PPARGC1A: variants seen among roughly 807,000 people sequenced by gnomAD.
PPARGC1A encodes PPARG coactivator 1 alpha, also known as peroxisome proliferator-activated receptor gamma coactivator 1-alpha.
Under a neutral mutation model 88.7 loss-of-function variants are expected in PPARGC1A, and 25 were observed. The observed-to-expected ratio is 0.28, with a 90% CI of 0.21 to 0.39. PPARGC1A has a LOEUF of 0.39. PPARGC1A is among the 10% of genes least tolerant of loss of function. The pLI, the probability that PPARGC1A is intolerant of heterozygous loss-of-function variation, is 1.00. For missense variants in PPARGC1A, 880 were observed against 968.7 expected (o/e 0.91, Z 1.22); for synonymous variants, 363 against 355.6 (o/e 1.02, Z -0.24).
chr4:24,171,050 C>T, the PPARGC1A span, among the ~76,000 whole-genome samples: 1 of 152,082 alleles, frequency 6.6e-6, no homozygotes, highest in African/African-American at 2.4e-5. Context: ...ACATAGCTTT[C>T]TCCCTCACAA....
the PPARGC1A span, among the ~76,000 whole-genome samples, chr4:24,324,207 A>G: frequency 6.6e-6 from 1 of 151,812 alleles, no homozygotes; most frequent in Non-Finnish European, 1.5e-5. Flanking sequence ...CAAGTACCCC[A>G]ACCCCTTCTC....
chr4:24,020,900 A>C, the PPARGC1A span, among the ~76,000 whole-genome samples: 1 of 152,196 alleles, frequency 6.6e-6, no homozygotes, highest in Non-Finnish European at 1.5e-5. Context: ...CTACAAGAAC[A>C]CCGAGGGTGC....
the PPARGC1A span, among the ~76,000 whole-genome samples, chr4:24,208,682 A>AAAAAATATATAT: frequency 7.4e-6 from 1 of 135,000 alleles, no homozygotes; most frequent in African/African-American, 2.7e-5. Context: ...TCAGAAAAAA[A>AAAAAATATATAT]ATATATATAT....
At chr4:24,076,366 G>A in the PPARGC1A span, among the ~76,000 whole-genome samples, 1 of 152,050 alleles carries the variant, frequency 6.6e-6, no homozygotes, top group African/African-American at 2.4e-5. Flanking sequence ...CAGCCCACTC[G>A]AATCACAATT....
the PPARGC1A span, among the ~76,000 whole-genome samples, chr4:24,418,135 C>T: frequency 6.6e-6 from 1 of 152,214 alleles, no homozygotes; most frequent in East Asian, 1.9e-4. Flanking sequence ...AAAACCTGAA[C>T]TCAACAAGTG....
chr4:24,241,023 C>G, the PPARGC1A span, among the ~76,000 whole-genome samples: 1 of 152,200 alleles, frequency 6.6e-6, no homozygotes, highest in Non-Finnish European at 1.5e-5. Flanking sequence ...AGAAAGCAAA[C>G]TAACCCACCT....
chr4:23,859,648 G>C (rs926153007), intron 2 of PPARGC1A, among the ~76,000 whole-genome samples: 1 of 151,848 alleles, frequency 6.6e-6, no homozygotes, highest in Admixed American at 6.6e-5. Flanking sequence ...CAGCGTGGTG[G>C]CGGGCGCCTG....
At chr4:24,295,723 T>C in the PPARGC1A span, among the ~76,000 whole-genome samples, 1 of 149,808 alleles carries the variant, frequency 6.7e-6, no homozygotes, top group Non-Finnish European at 1.5e-5. Flanking sequence ...ATATACGTAT[T>C]ATATGCTACA....
At chr4:23,821,220 A>T (rs1722963299) in intron 7 of PPARGC1A, among the ~76,000 whole-genome samples, 5 of 152,136 alleles carry the variant, frequency 3.3e-5, no homozygotes, top group Admixed American at 2.6e-4. Flanking sequence ...CTTCAGGCAG[A>T]CCTGCTTTGA....
At chr4:24,174,131 C>T in the PPARGC1A span, among the ~76,000 whole-genome samples, 2,054 of 152,300 alleles carry the variant, frequency 0.013, 56 homozygotes, top group African/African-American at 0.046. Context: ...CAACATGTAA[C>T]TCTCCATGAT....
At chr4:24,121,831 T>C in the PPARGC1A span, among the ~76,000 whole-genome samples, 2 of 152,214 alleles carry the variant, frequency 1.3e-5, no homozygotes, top group Non-Finnish European at 1.5e-5. Flanking sequence ...GTTAATTTTA[T>C]CTGCGGCAGT....
chr4:24,339,561 G>T, the PPARGC1A span, among the ~76,000 whole-genome samples: 1 of 151,962 alleles, frequency 6.6e-6, no homozygotes, highest in African/African-American at 2.4e-5. Flanking sequence ...CTCAATTAAT[G>T]CCCGTTCCAC....
At chr4:24,026,455 T>C in the PPARGC1A span, among the ~76,000 whole-genome samples, 2 of 152,180 alleles carry the variant, frequency 1.3e-5, no homozygotes, top group African/African-American at 4.8e-5. Flanking sequence ...TCCTTTTCTA[T>C]AGAATAAAGA....
intron 2 of PPARGC1A, among the ~76,000 whole-genome samples, chr4:23,847,580 G>A (rs1321330666): frequency 6.6e-6 from 1 of 152,136 alleles, no homozygotes; most frequent in Non-Finnish European, 1.5e-5. Flanking sequence ...CTGACCATAG[G>A]CTGTGTAAGC....
the PPARGC1A span, among the ~76,000 whole-genome samples, chr4:24,052,688 C>T: frequency 6.7e-6 from 1 of 150,238 alleles, no homozygotes; most frequent in Non-Finnish European, 1.5e-5. Context: ...TTCCAGTGCT[C>T]TCATTTTATT....
chr4:24,357,753 G>A, the PPARGC1A span, among the ~76,000 whole-genome samples: 1 of 152,286 alleles, frequency 6.6e-6, no homozygotes, highest in African/African-American at 2.4e-5. Context: ...TAAGTCTCAT[G>A]ATATCTGATG....
chr4:24,379,287 G>A, the PPARGC1A span, among the ~76,000 whole-genome samples: 7 of 152,280 alleles, frequency 4.6e-5, no homozygotes, highest in South Asian at 1.4e-3. Flanking sequence ...GGGTGTATGG[G>A]TTGGAGGAGG....
chr4:23,991,849 A>C, the PPARGC1A span, among the ~76,000 whole-genome samples: 2 of 152,156 alleles, frequency 1.3e-5, no homozygotes, highest in Non-Finnish European at 2.9e-5. Flanking sequence ...GTAAGAAGTC[A>C]AGACATAAAG....
At chr4:23,863,775 T>C (rs537611748) in intron 2 of PPARGC1A, among the ~76,000 whole-genome samples, 49 of 152,220 alleles carry the variant, frequency 3.2e-4, no homozygotes, top group Admixed American at 1.1e-3. Flanking sequence ...GAGACAGAGT[T>C]TAGCTCTGTC....
Sources: gnomAD v4.1 joint callset for allele counts (sites outside exome capture counted in the v4.1 genomes callset) on GRCh38, gnomAD v4.1.1 for gene constraint, MANE v1.5 for transcripts, NCBI Gene and HGNC (gene_info 2026-07-23, HGNC 2026-07-21) for gene names.